MDN1: variants seen among roughly 807,000 people sequenced by gnomAD.
MDN1 encodes midasin AAA ATPase 1, also known as midasin.
A neutral mutation model predicts 669.2 loss-of-function variants in MDN1; 266 were observed. The ratio of observed to expected loss-of-function variants is 0.40; its 90% CI spans 0.36 to 0.44. MDN1 has a LOEUF of 0.44. Among genes scored for constraint, MDN1 ranks in the 20% least tolerant of loss-of-function variants. MDN1 has a pLI of 1.00. For missense variants in MDN1, 5,940 were observed against 6,754.0 expected, an observed-to-expected ratio of 0.88 and a Z score of 4.22; for synonymous variants, 2,385 against 2,457.1, an observed-to-expected ratio of 0.97 and a Z score of 0.87.
intron 33 of MDN1, among the ~76,000 whole-genome samples, chr6:89,738,081 A>T (rs1816093506): frequency 6.6e-6 from 1 of 152,218 alleles, no homozygotes; most frequent in African/African-American, 2.4e-5. Context: ...AACTAAAGAA[A>T]TGCAGCTGAA....
At chr6:89,729,329 C>T (rs1815427351) in intron 35 of MDN1, among the ~76,000 whole-genome samples, 190 bp from the exon 36 acceptor site, 1 of 152,188 alleles carries the variant, frequency 6.6e-6, no homozygotes, top group African/African-American at 2.4e-5. Context: ...AAAGGAATAT[C>T]CAATAACACG....
At chr6:89,711,948 G>T in intron 49 of MDN1, 88 bp downstream of exon 49, 2 of 1,199,802 alleles carry the variant, frequency 1.7e-6, no homozygotes, top group African/African-American at 1.5e-5. Context: ...TAACAGTGTA[G>T]TCACAGATTA....
At chr6:89,682,427 G>C (rs1004675776) in intron 73 of MDN1, among the ~76,000 whole-genome samples, 4 of 152,082 alleles carry the variant, frequency 2.6e-5, no homozygotes, top group Non-Finnish European at 5.9e-5. Context: ...CTAAAAGTTC[G>C]GCCAGGAGCG....
At chr6:89,699,495 A>T in intron 58 of MDN1, 106 bp downstream of exon 58, 5 of 1,346,258 alleles carry the variant, frequency 3.7e-6, no homozygotes, top group Non-Finnish European at 5.0e-6. Context: ...TGAGGTTTCC[A>T]ATATGGAATT....
rs759614260 is a variant in MDN1, at chr6:89,695,915, C to T, written c.9461G>A (p.Arg3154Gln). 6 of 1,612,860 alleles carry T rather than the reference C, an allele frequency of 3.7e-6. No homozygotes were observed. The South Asian group carries it at 4.4e-5, about 12-fold the overall frequency. ...ACAGTTCTGCATGTACTCCTGCCGCCGGGACTCTGGGAGCAGCTCTGCTAG... is the reference window on the plus strand; with the variant it reads ...ACAGTTCTGCATGTACTCCTGCCGCTGGGACTCTGGGAGCAGCTCTGCTAG... ...AGLAELLPES[R>Q]RQEYMQNCEQ... The change falls in exon 61 of 102, where the codon CGG becomes CAG. Residue 3154 changes from arginine to glutamine, a missense_variant. Physicochemically the swap from Arg to Gln is conservative, Grantham distance 43. Around this residue, in one of 5 missense-constraint regions of MDN1, gnomAD observed 2,292 missense variants for 2,638.3 expected, o/e 0.87. Transcript: ENST00000369393. This position sits in a 1 kb window ranked among gnomAD's most constrained non-coding sequence, Gnocchi z 4.1.
At chr6:89,686,003 T>TG in intron 69 of MDN1, 30 bp from the exon 70 acceptor site, 2 of 1,604,382 alleles carry the variant, frequency 1.2e-6, no homozygotes, top group Non-Finnish European at 1.7e-6. Context: ...AAAATATATA[T>TG]GTTCCTTCGA....
chr6:89,674,308 A>G lies in MDN1; in HGVS notation c.13043T>C (p.Val4348Ala), dbSNP rs1562069298. The G allele has an allele frequency of 3.1e-6, 5 of 1,614,126 alleles. No homozygotes were observed. Among genetic ancestry groups the G allele is most frequent in the African/African-American group, 2.7e-5 (2 of 74,948 alleles). ...ELSKGQLCGV[V>A]LDLIPSNLSY... is the part of the protein sequence containing the mutation. ...CAGATTGGAAGGAATTAGGTCCAGC[A>G]CTACTCCACAAAGTTGTCCCTTGCT... Residue 4348 changes from valine to alanine, a missense_variant, in exon 79 of 102, where the codon GTG becomes GCG. By Grantham distance (64) the Val-to-Ala change is moderately conservative (BLOSUM62 0). Around this residue, in one of 5 missense-constraint regions of MDN1, gnomAD observed 2,280 missense variants for 2,576.3 expected, o/e 0.88. Coordinates refer to ENST00000369393, the MANE Select transcript of MDN1 (RefSeq NM_014611.3).
rs190334666 is a variant in MDN1, at chr6:89,768,544, T to C, written c.2144+3017A>G. 1.5e-3 allele frequency among the ~76,000 whole-genome samples: 232 copies of C among 152,282 alleles called. 1 individual carries two copies. The highest frequency in any genetic ancestry group is 2.5e-3 in the Non-Finnish European group (168 of 68,014). On this transcript the variant is annotated intron_variant, in intron 15 of 101. Coordinates refer to ENST00000369393, the MANE Select transcript of MDN1 (RefSeq NM_014611.3). The stretch of plus-strand genomic sequence containing the variant: ...GCAGTGTGAGAACAAATGAATACAC[T>C]GGGCAACAGAGTGTGACCTCATCTC...
chr6:89,789,848 G>C lies in MDN1; in HGVS notation c.1162C>G (p.Leu388Val). Residue 388 changes from leucine (L) to valine (V), a missense_variant, in exon 7 of 102, where the codon CTG becomes GTG. Physicochemically the swap from Leu to Val is conservative, Grantham distance 32. Transcript: ENST00000369393. Reference sequence around the variant, plus strand: ...TGGCCCATTGTGGCTGCCTGTGTCAGGGTGCCAGGCTGCCACACAAACTCT... The same window carrying C: ...TGGCCCATTGTGGCTGCCTGTGTCACGGTGCCAGGCTGCCACACAAACTCT... The part of the protein sequence containing the change: ...PGEFVWQPGT[L>V]TQAATMGHWI... 1 of 1,614,056 alleles carries C rather than the reference G, an allele frequency of 6.2e-7. No homozygotes were observed. The highest frequency in any genetic ancestry group is 8.5e-7 in the Non-Finnish European group (1 of 1,179,990).
intron 18 of MDN1, 47 bp downstream of exon 18, chr6:89,758,769 C>A: frequency 6.2e-7 from 1 of 1,604,804 alleles, no homozygotes; most frequent in Non-Finnish European, 8.5e-7. Flanking sequence ...TCTAAAGTGG[C>A]CACAGGGCTT....
At chr6:89,691,935 T>G (rs1812400506) in intron 63 of MDN1, among the ~76,000 whole-genome samples, 1 of 152,200 alleles carries the variant, frequency 6.6e-6, no homozygotes, top group Non-Finnish European at 1.5e-5. Flanking sequence ...GGACAAATTT[T>G]TAATAATTTA....
chr6:89,800,666 T>C (rs186423288), intron 2 of MDN1, among the ~76,000 whole-genome samples: 3 of 152,306 alleles, frequency 2.0e-5, no homozygotes, highest in East Asian at 1.9e-4. Context: ...TGAGCTATTT[T>C]AGCAAATAAT....
chr6:89,773,377 TAA>T (rs1441292126), intron 13 of MDN1, among the ~76,000 whole-genome samples: 1 of 151,294 alleles, frequency 6.6e-6, no homozygotes, highest in African/African-American at 2.4e-5. Context: ...CCATCTCTAC[TAA>T]AAATACAAAA....
At chr6:89,650,566 G>A (rs1260451397) in intron 96 of MDN1, among the ~76,000 whole-genome samples, 166 bp downstream of exon 96, 2 of 152,222 alleles carry the variant, frequency 1.3e-5, no homozygotes, top group African/African-American at 4.8e-5. Context: ...TTTGTGCAGA[G>A]ACAATAATAG....
chr6:89,787,826 T>TG, intron 8 of MDN1, 28 bp downstream of exon 8: 1 of 1,556,288 alleles, frequency 6.4e-7, no homozygotes, highest in South Asian at 1.1e-5. Context: ...GGCTCCAGAG[T>TG]GAAAACAGAA....
chr6:89,792,711 A>C (rs140063442), intron 5 of MDN1, among the ~76,000 whole-genome samples: 67 of 151,886 alleles, frequency 4.4e-4, no homozygotes, highest in African/African-American at 1.5e-3. Flanking sequence ...CCAGAACCCA[A>C]CTGATGGGTT....
intron 94 of MDN1, 104 bp from the exon 95 acceptor site, chr6:89,652,385 C>G: frequency 1.2e-6 from 1 of 808,900 alleles, no homozygotes; most frequent in Admixed American, 2.5e-5. Flanking sequence ...AGTACATAGT[C>G]AAATGCTCCT....
rs182616151 is a variant in MDN1 at position 89,727,578 on chromosome 6, G to A, written c.5472+255C>T. Among the ~76,000 whole-genome samples, 194 of 152,266 alleles carry A rather than the reference G, an allele frequency of 1.3e-3. 1 individual carries two copies. The highest frequency in any genetic ancestry group is 2.4e-3 in the Non-Finnish European group (166 of 68,020). On this transcript the variant is annotated intron_variant, in intron 37 of 101. Coordinates refer to ENST00000369393, the MANE Select transcript of MDN1 (RefSeq NM_014611.3). Reference sequence around the variant, plus strand: ...GCCTGTCAGAGACTAAACTAGTGACGATGCAGTTTTCCTCTGAAGGATAAC... The same window carrying A: ...GCCTGTCAGAGACTAAACTAGTGACAATGCAGTTTTCCTCTGAAGGATAAC...
chr6:89,758,907 A>C lies in MDN1; in HGVS notation c.2514T>G (p.Ile838Met). ...CTAGTATTTCTGGAGCAGCCAAGTT[A>C]ATCTCATCCAACAAGATCCACTCTC... Reference protein sequence around the residue: ...KKGEWILLDEINLAAPEILEC... With the variant: ...KKGEWILLDEMNLAAPEILEC... The change falls in exon 18 of 102, where the codon ATT (isoleucine) becomes ATG (methionine). Residue 838 changes from isoleucine to methionine, a missense_variant. Around this residue, in one of 5 missense-constraint regions of MDN1, gnomAD observed 1,203 missense variants for 1,268.9 expected, o/e 0.95. Coordinates refer to ENST00000369393, the MANE Select transcript of MDN1 (RefSeq NM_014611.3). 1 of 1,614,004 alleles carries C rather than the reference A, an allele frequency of 6.2e-7. No individual in the cohort carries two copies. Among genetic ancestry groups the C allele is most frequent in the African/African-American group, 1.3e-5 (1 of 75,040 alleles).
Sources: allele counts gnomAD v4.1 joint callset (sites outside exome capture counted in the v4.1 genomes callset), GRCh38; gene constraint gnomAD v4.1.1; regional missense constraint gnomAD v4.1.1; non-coding constraint Gnocchi (gnomAD v3.1); transcripts MANE v1.5; gene names NCBI Gene and HGNC (gene_info 2026-07-23, HGNC 2026-07-21).